RHOD: variants seen among roughly 807,000 people sequenced by gnomAD.
RHOD encodes the protein rho-related GTP-binding protein RhoD.
RHOD carries 11 observed loss-of-function variants against 16.7 expected under a neutral mutation model. The observed-to-expected ratio is 0.66, with a 90% CI of 0.41 to 1.09. RHOD has a LOEUF of 1.09. Ranked by LOEUF, RHOD falls within the 50% of genes least tolerant of loss-of-function variation. The pLI, the probability that RHOD is intolerant of heterozygous loss-of-function variation, is 0.00. For missense variants in RHOD, 271 were observed against 291.7 expected (o/e 0.93, Z 0.52); for synonymous variants, 124 against 126.3 (o/e 0.98, Z 0.12).
At position 67,056,986 on chromosome 11, in the gene RHOD, C is replaced by T; in HGVS notation, c.84C>T (p.Cys28=). The T allele has an allele frequency of 4.6e-6, 7 of 1,510,036 alleles. No individual in the cohort carries two copies. Among genetic ancestry groups the T allele is most frequent in the East Asian group, 2.8e-5 (1 of 35,758 alleles). The allele number at this position is 1,510,036 out of a possible 1,614,324, so 93.5% of individuals were successfully genotyped here. A position where few individuals can be genotyped will look rare whatever the true frequency, so the allele number is the denominator to read the frequency against. ...VKVVLVGDGG[C]GKTSLLMVFA... is the part of the protein sequence containing the mutation. ...TGGTCCTGGTGGGCGACGGCGGCTG[C>T]GGGAAGACGTCGCTGCTGATGGTCT... The change falls in exon 1 of 5, where the codon TGC becomes TGT. Residue 28 remains cysteine (C), a synonymous_variant. Transcript: ENST00000308831.
At position 67,066,874 on chromosome 11, in the gene RHOD, A is replaced by G. The variant is rs776670248; in HGVS notation, c.330+27A>G. On this transcript the variant is annotated intron_variant, in intron 3 of 4. Coordinates refer to ENST00000308831, the MANE Select transcript of RHOD (RefSeq NM_014578.4). ...TAGGTACTGGGGGGCAGGGAGGCAT[A>G]GCCCCCATAGCCAGGCCACTCCACT... The G allele has an allele frequency of 2.8e-6, 4 of 1,444,006 alleles. No homozygotes were observed. The Admixed American group carries it at 5.0e-5, about 18-fold the overall frequency. 89.4% of individuals were successfully genotyped at this position (1,444,006 alleles called of 1,614,324 possible). A position where few individuals can be genotyped will look rare whatever the true frequency, so the allele number is the denominator to read the frequency against.
intron 1 of RHOD, among the ~76,000 whole-genome samples, chr11:67,064,578 A>G (rs1854936301): frequency 6.6e-6 from 1 of 152,170 alleles, no homozygotes; most frequent in Admixed American, 6.5e-5. Flanking sequence ...AAAAGCTGCG[A>G]GTTCCCCAGA....
intron 1 of RHOD, among the ~76,000 whole-genome samples, chr11:67,065,655 C>T (rs1854950490): frequency 6.6e-6 from 1 of 152,140 alleles, no homozygotes; most frequent in South Asian, 2.1e-4. Flanking sequence ...AGCTATGGTG[C>T]CTGGCTGGTA....
intron 4 of RHOD, among the ~76,000 whole-genome samples, chr11:67,070,817 G>C (rs1457530795): frequency 6.6e-6 from 1 of 152,218 alleles, no homozygotes; most frequent in East Asian, 1.9e-4. Context: ...GACCCAGAGA[G>C]GGGGCCCAGG....
At position 67,066,754 on chromosome 11, in the gene RHOD, C is replaced by A. The variant is rs1393278787; in HGVS notation, c.237C>A (p.Asp79Glu). The A allele has an allele frequency of 6.2e-7, 1 of 1,612,836 alleles. No homozygotes were observed. The highest frequency in any genetic ancestry group is 8.5e-7 in the Non-Finnish European group (1 of 1,178,840). The change falls in exon 3 of 5, where the codon GAC becomes GAA. Residue 79 changes from aspartate to glutamate, a missense_variant. By Grantham distance (45) the Asp-to-Glu change is conservative. Transcript: ENST00000308831. ...IWDTAGQDDY[D>E]RLRPLFYPDA... ...TCTGCCCAGGGCAAGATGACTATGA[C>A]CGCCTGCGGCCCCTGTTCTACCCTG... is the stretch of plus-strand genomic sequence containing the variant.
At chr11:67,066,447 C>T (rs1337742352) in intron 2 of RHOD, among the ~76,000 whole-genome samples, 1 of 152,218 alleles carries the variant, frequency 6.6e-6, no homozygotes, top group African/African-American at 2.4e-5. Context: ...AAGCTCAGGG[C>T]AAAGCTGGCT....
chr11:67,067,270 A>G (rs1854970569), intron 3 of RHOD, among the ~76,000 whole-genome samples: 1 of 152,168 alleles, frequency 6.6e-6, no homozygotes, highest in African/African-American at 2.4e-5. Context: ...GCTCATGGGC[A>G]TCAGGGATGT....
intron 1 of RHOD, among the ~76,000 whole-genome samples, chr11:67,063,192 C>A (rs1471643754): frequency 6.6e-6 from 1 of 151,918 alleles, no homozygotes; most frequent in Non-Finnish European, 1.5e-5. Context: ...GAGTTCAAGA[C>A]CAGCCTGGGC....
chr11:67,063,913 C>A (rs577132183), intron 1 of RHOD, among the ~76,000 whole-genome samples: 51 of 150,816 alleles, frequency 3.4e-4, no homozygotes, highest in African/African-American at 1.2e-3. Flanking sequence ...CGAGACCAGC[C>A]TGACCAACAT....
Position 67,071,704 on chromosome 11 carries a change from C to A in RHOD, c.*102C>A. The A allele has an allele frequency of 8.1e-7, 1 of 1,228,048 alleles. No individual in the cohort carries two copies. Among genetic ancestry groups the A allele is most frequent in the South Asian group, 1.6e-5 (1 of 64,000 alleles). The allele number at this position is 1,228,048 out of a possible 1,614,324, so 76.1% of individuals were successfully genotyped here. On this transcript the variant is annotated 3_prime_UTR_variant, in exon 5 of 5. Transcript: ENST00000308831. Reference sequence around the variant, plus strand: ...TCCCTAGGCTGTGACCGCCGAACTCCACTGCAACAGACGGGCGCCACCAAA... The same window carrying A: ...TCCCTAGGCTGTGACCGCCGAACTCAACTGCAACAGACGGGCGCCACCAAA...
chr11:67,065,991 T>C lies in RHOD; in HGVS notation c.220+8T>C. On this transcript the variant is annotated splice_region_variant and intron_variant, in intron 2 of 4. Coordinates refer to ENST00000308831, the MANE Select transcript of RHOD (RefSeq NM_014578.4). ...ACATCTGGGACACAGCAGGTGGGTG[T>C]GCAGGGGTGGGGCAGGGTGGGAGGG... 1 of 880,794 alleles carries C rather than the reference T, an allele frequency of 1.1e-6. No homozygotes were observed. The highest frequency in any genetic ancestry group is 1.8e-6 in the Non-Finnish European group (1 of 565,810). The allele number at this position is 880,794 out of a possible 1,614,324, so 54.6% of individuals were successfully genotyped here.
At chr11:67,063,516 G>C (rs1306904098) in intron 1 of RHOD, among the ~76,000 whole-genome samples, 4 of 120,318 alleles carry the variant, frequency 3.3e-5, no homozygotes, top group Non-Finnish European at 5.0e-5. Flanking sequence ...TTTAAAAAAA[G>C]GCCAGGCGTG....
At chr11:67,069,733 C>A (rs966341366) in intron 3 of RHOD, among the ~76,000 whole-genome samples, 1 of 151,722 alleles carries the variant, frequency 6.6e-6, no homozygotes, top group Admixed American at 6.6e-5. Context: ...CACTCTGTCG[C>A]CCAGGCTGGA....
chr11:67,071,716 C>G lies in RHOD; in HGVS notation c.*114C>G. ...GACCGCCGAACTCCACTGCAACAGA[C>G]GGGCGCCACCAAAGCCAGGCCCTGA... On this transcript the variant is annotated 3_prime_UTR_variant, in exon 5 of 5. Coordinates refer to ENST00000308831, the MANE Select transcript of RHOD (RefSeq NM_014578.4). 1 of 1,133,564 alleles carries G rather than the reference C, an allele frequency of 8.8e-7. No homozygotes were observed. Among genetic ancestry groups the G allele is most frequent in the South Asian group, 1.6e-5 (1 of 61,078 alleles). 70.2% of individuals were successfully genotyped at this position (1,133,564 alleles called of 1,614,324 possible). A position where few individuals can be genotyped will look rare whatever the true frequency, so the allele number is the denominator to read the frequency against.
At chr11:67,058,606 T>C (rs984395623) in intron 1 of RHOD, among the ~76,000 whole-genome samples, 1 of 152,190 alleles carries the variant, frequency 6.6e-6, no homozygotes, top group African/African-American at 2.4e-5. Flanking sequence ...CCACCGCAAC[T>C]GGCATTCTTC....
chr11:67,061,728 G>A (rs1434220264), intron 1 of RHOD, among the ~76,000 whole-genome samples: 3 of 135,978 alleles, frequency 2.2e-5, no homozygotes, highest in Non-Finnish European at 4.6e-5. Context: ...GCGACAGAGC[G>A]AGACCCTCTC....
Position 67,065,919 on chromosome 11 carries a change from G to A in RHOD, c.156G>A (p.Glu52=). Residue 52 remains glutamate (E), a synonymous_variant, in exon 2 of 5, where the codon GAG becomes GAA. Coordinates refer to ENST00000308831, the MANE Select transcript of RHOD (RefSeq NM_014578.4). ...FPESYTPTVF[E]RYMVNLQVKG... Reference sequence around the variant, plus strand: ...AGAGCTACACCCCCACGGTGTTTGAGCGGTACATGGTCAACCTGCAAGTGA... The same window carrying A: ...AGAGCTACACCCCCACGGTGTTTGAACGGTACATGGTCAACCTGCAAGTGA... 6.2e-7 allele frequency: 1 copy of A among 1,614,036 alleles called. No individual in the cohort carries two copies. The highest frequency in any genetic ancestry group is 8.5e-7 in the Non-Finnish European group (1 of 1,179,950).
intron 1 of RHOD, among the ~76,000 whole-genome samples, chr11:67,064,130 G>A (rs1306293838): frequency 1.6e-4 from 24 of 146,842 alleles, no homozygotes; most frequent in Non-Finnish European, 2.7e-4. Flanking sequence ...AAAAAGGCCG[G>A]GCGCGGTGGC....
chr11:67,062,447 G>C (rs929029819), intron 1 of RHOD, among the ~76,000 whole-genome samples: 7 of 152,128 alleles, frequency 4.6e-5, no homozygotes, highest in Admixed American at 1.3e-4. Context: ...AGCAGGCAAG[G>C]GGGGATGGAG....
Sources: gnomAD v4.1 joint callset for allele counts (sites outside exome capture counted in the v4.1 genomes callset) on GRCh38, gnomAD v4.1.1 for gene constraint, MANE v1.5 for transcripts, NCBI Gene and HGNC (gene_info 2026-07-23, HGNC 2026-07-21) for gene names.